PPEF1: variants seen among roughly 807,000 people sequenced by gnomAD.
PPEF1 encodes serine/threonine-protein phosphatase with EF-hands 1.
Under a neutral mutation model 53.3 loss-of-function variants are expected in PPEF1, and 12 were observed. That is an observed-to-expected ratio of 0.23 (90% confidence interval 0.14 to 0.36). The LOEUF (loss-of-function observed/expected upper bound fraction) is 0.36, where lower values mean the gene tolerates loss of function less well. Among genes scored for constraint, PPEF1 ranks in the 10% least tolerant of loss-of-function variants. PPEF1 has a pLI of 1.00. For synonymous variants in PPEF1, 165 were observed against 176.7 expected (o/e 0.93, Z 0.52); for missense variants, 334 against 490.4 (o/e 0.68, Z 3.01).
intron 10 of PPEF1, among the ~76,000 whole-genome samples, chrX:18,801,469 A>C (rs1430288546): frequency 8.9e-6 from 1 of 111,789 alleles, no homozygotes; most frequent in Non-Finnish European, 1.9e-5. Flanking sequence ...GCATAACTTC[A>C]CATGCCTGCT....
At chrX:18,729,751 G>A (rs1400958710) in intron 1 of PPEF1, among the ~76,000 whole-genome samples, 1 of 112,325 alleles carries the variant, frequency 8.9e-6, no homozygotes, top group Non-Finnish European at 1.9e-5. Flanking sequence ...TTTGGGGTAC[G>A]TAGTGAAGAA....
chrX:18,774,023 A>G, intron 6 of PPEF1, among the ~76,000 whole-genome samples: 1 of 112,150 alleles, frequency 8.9e-6, no homozygotes, highest in Non-Finnish European at 1.9e-5. Context: ...TATATATTTC[A>G]TGATTCATTG....
At chrX:18,800,365 A>G (rs973865511) in intron 10 of PPEF1, among the ~76,000 whole-genome samples, 1 of 111,220 alleles carries the variant, frequency 9.0e-6, no homozygotes, top group African/African-American at 3.3e-5. Context: ...TCACATATCC[A>G]TATTATTGTA....
chrX:18,782,553 G>A, intron 8 of PPEF1, 151 bp downstream of exon 8: 1 of 425,771 alleles, frequency 2.3e-6, no homozygotes, highest in Admixed American at 5.0e-5. Flanking sequence ...AAGCACAGCA[G>A]GAAGCCCTGG....
Position 18,749,883 on chromosome X carries a change from T to A in PPEF1, c.327T>A (p.Gly109=), listed in dbSNP as rs1242095282. The part of the protein sequence containing the change: ...DSIDVPDSYN[G]PRLQFPLTCT... ...TAGATGTCCCAGACTCCTATAATGGTCCTCGGCTACAATTTCCTCTCACTT... is the reference window on the plus strand; with the variant it reads ...TAGATGTCCCAGACTCCTATAATGGACCTCGGCTACAATTTCCTCTCACTT... The change falls in exon 4 of 16, where the codon GGT becomes GGA. Residue 109 remains glycine (G), a synonymous_variant. Transcript: ENST00000470157. 3 of 1,201,568 alleles carry A rather than the reference T, an allele frequency of 2.5e-6. No homozygotes were observed. Among genetic ancestry groups the A allele is most frequent in the Admixed American group, 2.2e-5 (1 of 45,590 alleles).
Position 18,733,606 on chromosome X carries a change from T to C in PPEF1, c.175-142T>C, listed in dbSNP as rs900112845. ...GCAGGCAGTCCTCTGGAGGCAGGCA[T>C]AGAAGTGACCCTTAGCACCTGCAGC... On this transcript the variant is annotated intron_variant, in intron 2 of 15. Transcript: ENST00000470157. The C allele has an allele frequency of 6.4e-6, 3 of 471,277 alleles. No homozygotes were observed. The African/African-American group carries it at 7.6e-5, about 12-fold the overall frequency. The allele number at this position is 471,277 out of a possible 1,213,427, so 38.8% of individuals were successfully genotyped here. A position where few individuals can be genotyped will look rare whatever the true frequency, so the allele number is the denominator to read the frequency against.
chrX:18,764,157 G>A (rs772138813), intron 6 of PPEF1, among the ~76,000 whole-genome samples: 1 of 111,271 alleles, frequency 9.0e-6, no homozygotes, highest in South Asian at 3.8e-4. Flanking sequence ...CCAGGGCAAG[G>A]GATGCCCTGG....
chrX:18,806,052 A>T (rs1030138346), intron 11 of PPEF1, among the ~76,000 whole-genome samples: 2 of 110,607 alleles, frequency 1.8e-5, no homozygotes, highest in African/African-American at 6.6e-5. Context: ...TGAATGCTCA[A>T]CTATTACAAG....
At chrX:18,711,754 C>CTTTTTT (rs536021892) in intron 1 of PPEF1, among the ~76,000 whole-genome samples, 1 of 89,223 alleles carries the variant, frequency 1.1e-5, no homozygotes, top group African/African-American at 4.2e-5. Flanking sequence ...ATTACTATAG[C>CTTTTTT]TTTTTTTTTT....
At chrX:18,737,919 T>A (rs1211920708) in intron 3 of PPEF1, among the ~76,000 whole-genome samples, 2 of 111,560 alleles carry the variant, frequency 1.8e-5, no homozygotes, top group Non-Finnish European at 1.9e-5. Flanking sequence ...GTTTAAAGTC[T>A]GTTTTATCAG....
At chrX:18,739,303 A>G (rs1220064441) in intron 3 of PPEF1, among the ~76,000 whole-genome samples, 2 of 112,161 alleles carry the variant, frequency 1.8e-5, no homozygotes, top group African/African-American at 6.5e-5. Flanking sequence ...TGACCTACAA[A>G]TGGGGTTTTG....
chrX:18,780,912 C>T (rs1362014713), intron 7 of PPEF1, among the ~76,000 whole-genome samples: 3 of 110,084 alleles, frequency 2.7e-5, no homozygotes, highest in Non-Finnish European at 5.7e-5. Context: ...AAAAATTAGC[C>T]GGGCATAGTG....
chrX:18,818,530 C>T (rs1029993411), intron 13 of PPEF1, among the ~76,000 whole-genome samples: 2 of 110,119 alleles, frequency 1.8e-5, no homozygotes, highest in Admixed American at 2.0e-4. Flanking sequence ...ACCACCACGC[C>T]CAGCTAATTT....
intron 6 of PPEF1, among the ~76,000 whole-genome samples, chrX:18,775,946 C>T (rs775062126): frequency 1.1e-5 from 1 of 94,392 alleles, no homozygotes; most frequent in Non-Finnish European, 2.2e-5. Flanking sequence ...CTCCCCCTGC[C>T]TCCAAACCAA....
At chrX:18,712,828 G>A (rs774217919) in intron 1 of PPEF1, among the ~76,000 whole-genome samples, 1 of 111,793 alleles carries the variant, frequency 8.9e-6, no homozygotes, top group Non-Finnish European at 1.9e-5. Context: ...ACAAAGTGGT[G>A]TTTAATTTTG....
At chrX:18,818,189 T>C in intron 13 of PPEF1, 44 bp downstream of exon 13, 1 of 863,399 alleles carries the variant, frequency 1.2e-6, no homozygotes, top group Middle Eastern at 2.8e-4. Flanking sequence ...ACACACCAAG[T>C]TACATACAGA....
chrX:18,683,760 G>C (rs1346618416), intron 1 of PPEF1, among the ~76,000 whole-genome samples: 1 of 111,485 alleles, frequency 9.0e-6, no homozygotes, highest in Non-Finnish European at 1.9e-5. Context: ...ATCTCTTTCT[G>C]CCTGGAACGT....
intron 6 of PPEF1, among the ~76,000 whole-genome samples, chrX:18,763,472 G>T (rs944733118): frequency 9.0e-6 from 1 of 111,155 alleles, no homozygotes; most frequent in African/African-American, 3.3e-5. Flanking sequence ...ATATTTAACT[G>T]AACCACTCAG....
At chrX:18,800,377 A>G (rs1389742342) in intron 10 of PPEF1, among the ~76,000 whole-genome samples, 1 of 111,367 alleles carries the variant, frequency 9.0e-6, no homozygotes, top group Admixed American at 9.6e-5. Flanking sequence ...ATTATTGTAT[A>G]GAGTTGTATG....
Sources: allele counts gnomAD v4.1 joint callset (sites outside exome capture counted in the v4.1 genomes callset), GRCh38; gene constraint gnomAD v4.1.1; transcripts MANE v1.5; gene names NCBI Gene and HGNC (gene_info 2026-07-23, HGNC 2026-07-21).